The following TRAPPC13 variants were observed in gnomAD, a reference collection of about 807,000 sequenced individuals.
TRAPPC13 encodes the protein trafficking protein particle complex subunit 13.
Under a neutral mutation model 54.0 loss-of-function variants are expected in TRAPPC13, and 39 were observed. That is an observed-to-expected ratio of 0.72 (90% confidence interval 0.56 to 0.94). The LOEUF (loss-of-function observed/expected upper bound fraction) is 0.94, where lower values mean the gene tolerates loss of function less well. TRAPPC13 is among the 40% of genes least tolerant of loss of function. The probability of loss-of-function intolerance (pLI) is 0.00; values close to 1 mark genes in which losing one functional copy is unlikely to be tolerated. For synonymous variants in TRAPPC13, 148 were observed against 167.7 expected (o/e 0.88, Z 0.91); for missense variants, 386 against 488.1 (o/e 0.79, Z 1.97).
rs3830443 is a variant in TRAPPC13 at position 65,664,484 on chromosome 5, A to ATCTC, written c.1147-9_1147-6dup. On this transcript the variant is annotated intron_variant, in intron 12 of 12. Coordinates refer to ENST00000399438, the MANE Select transcript of TRAPPC13 (RefSeq NM_024941.4). ...TCTGAATGAATGAAAACTTAGACTC[A>ATCTC]TCTCTCTCTCTCTCAATAGAGCATC... 0.56 allele frequency: 833,176 copies of ATCTC among 1,485,388 alleles called. 198,025 individuals carry two copies. The highest frequency in any genetic ancestry group is 0.59 in the African/African-American group (42,004 of 71,320). The allele number at this position is 1,485,388 out of a possible 1,614,324, so 92.0% of individuals were successfully genotyped here. A position where few individuals can be genotyped will look rare whatever the true frequency, so the allele number is the denominator to read the frequency against.
intron 4 of TRAPPC13, among the ~76,000 whole-genome samples, chr5:65,646,497 C>G (rs1199511379): frequency 7.1e-6 from 1 of 141,212 alleles, no homozygotes; most frequent in Non-Finnish European, 1.5e-5. Context: ...TCCAGTCCAA[C>G]ACCATTGTAG....
chr5:65,628,359 T>C (rs1755344776), intron 1 of TRAPPC13, among the ~76,000 whole-genome samples: 1 of 152,192 alleles, frequency 6.6e-6, no homozygotes, highest in Non-Finnish European at 1.5e-5. Context: ...TAAACCATAT[T>C]AGCAAAGTTA....
intron 1 of TRAPPC13, among the ~76,000 whole-genome samples, chr5:65,626,781 G>A (rs1755255044): frequency 6.6e-6 from 1 of 151,932 alleles, no homozygotes; most frequent in Non-Finnish European, 1.5e-5. Context: ...TACAGAGACT[G>A]CCACTGGGAA....
chr5:65,626,595 G>T (rs988064781), intron 1 of TRAPPC13, among the ~76,000 whole-genome samples: 5 of 152,096 alleles, frequency 3.3e-5, no homozygotes, highest in African/African-American at 1.2e-4. Flanking sequence ...AGTTAGCCAG[G>T]CGTGGTGGCG....
intron 3 of TRAPPC13, 143 bp from the exon 4 acceptor site, chr5:65,637,553 C>A: frequency 2.3e-6 from 1 of 435,018 alleles, no homozygotes. Context: ...ATGGGGTGAA[C>A]ATGGGAGGCG....
chr5:65,646,406 A>G (rs1756209115), intron 4 of TRAPPC13, among the ~76,000 whole-genome samples: 1 of 152,178 alleles, frequency 6.6e-6, no homozygotes, highest in Non-Finnish European at 1.5e-5. Context: ...ATACTAGCAC[A>G]TACATACATA....
chr5:65,636,005 A>T lies in TRAPPC13; in HGVS notation c.177A>T (p.Leu59Phe). 1 of 1,601,666 alleles carries T rather than the reference A, an allele frequency of 6.2e-7. No homozygotes were observed. Among genetic ancestry groups the T allele is most frequent in the Non-Finnish European group, 8.5e-7 (1 of 1,173,504 alleles). ...CAACCGTTAATGGTGCAGAAGTTTT[A>T]ATGTTGGGAGAAATGCTGACTTTAC... is the stretch of plus-strand genomic sequence containing the variant. ...DPSTVNGAEV[L>F]MLGEMLTLPQ... The change falls in exon 3 of 13, where the codon TTA becomes TTT. Residue 59 changes from leucine to phenylalanine, a missense_variant. Physicochemically the swap from Leu to Phe is conservative, Grantham distance 22. Coordinates refer to ENST00000399438, the MANE Select transcript of TRAPPC13 (RefSeq NM_024941.4).
At chr5:65,625,662 G>A (rs1755182965) in intron 1 of TRAPPC13, among the ~76,000 whole-genome samples, 1 of 152,050 alleles carries the variant, frequency 6.6e-6, no homozygotes, top group African/African-American at 2.4e-5. Flanking sequence ...CAGCCATTTT[G>A]AGTAAGTTTG....
intron 1 of TRAPPC13, chr5:65,630,142 G>A: frequency 2.0e-6 from 3 of 1,535,982 alleles, no homozygotes; most frequent in Non-Finnish European, 2.6e-6. Flanking sequence ...AAGACATTTG[G>A]ACAAAACTCA....
rs1451160165 is a variant in TRAPPC13, at chr5:65,655,616, C to A, written c.547-20C>A. On this transcript the variant is annotated intron_variant, in intron 7 of 12. Transcript: ENST00000399438. ...TTTAACTCTGATTTTTCTAATTATT[C>A]TTTTTTATTTTTCCATTAGAGTGAC... The A allele has an allele frequency of 2.6e-6, 2 of 766,700 alleles. No homozygotes were observed. The highest frequency in any genetic ancestry group is 3.7e-6 in the Non-Finnish European group (2 of 544,796). The allele number at this position is 766,700 out of a possible 1,614,324, so 47.5% of individuals were successfully genotyped here. A position where few individuals can be genotyped will look rare whatever the true frequency, so the allele number is the denominator to read the frequency against.
intron 4 of TRAPPC13, among the ~76,000 whole-genome samples, chr5:65,640,871 C>T (rs986242040): frequency 2.0e-5 from 3 of 151,910 alleles, no homozygotes; most frequent in East Asian, 3.8e-4. Context: ...GTAGTACTCA[C>T]TAGGGGTCTT....
intron 1 of TRAPPC13, among the ~76,000 whole-genome samples, chr5:65,627,822 T>TATTTATGA (rs1279828106): frequency 6.6e-6 from 1 of 152,160 alleles, no homozygotes; most frequent in East Asian, 1.9e-4. Flanking sequence ...AGATCACAAT[T>TATTTATGA]ATTTATGAAT....
At chr5:65,661,891 T>C (rs37346) in intron 10 of TRAPPC13, 159 bp from the exon 11 acceptor site, 322,230 of 516,730 alleles carry the variant, frequency 0.62, 101,632 homozygotes, top group South Asian at 0.67. Flanking sequence ...TGCAAAAGAA[T>C]TTAAAATGAG....
chr5:65,633,987 T>G (rs1343654480), intron 1 of TRAPPC13, among the ~76,000 whole-genome samples: 7 of 135,238 alleles, frequency 5.2e-5, no homozygotes, highest in East Asian at 4.2e-4. Context: ...GTTTTTTTTT[T>G]TTTTTTTTTT....
chr5:65,651,700 T>C (rs1756450135), intron 6 of TRAPPC13, among the ~76,000 whole-genome samples: 1 of 145,674 alleles, frequency 6.9e-6, no homozygotes, highest in South Asian at 2.2e-4. Flanking sequence ...TAAATATAGA[T>C]CTAAATATGA....
intron 1 of TRAPPC13, chr5:65,630,243 A>T: frequency 6.5e-7 from 1 of 1,535,884 alleles, no homozygotes; most frequent in East Asian, 2.4e-5. Context: ...GATATTATGT[A>T]TTGTGAATAT....
intron 11 of TRAPPC13, 98 bp from the exon 12 acceptor site, chr5:65,664,139 T>C (rs1756941975): frequency 2.5e-6 from 3 of 1,203,448 alleles, no homozygotes; most frequent in African/African-American, 1.5e-5. Context: ...TTCTCCTGGA[T>C]ATGGAGAAAA....
intron 9 of TRAPPC13, 68 bp from the exon 10 acceptor site, chr5:65,660,631 C>T: frequency 3.0e-6 from 4 of 1,326,884 alleles, no homozygotes; most frequent in African/African-American, 1.5e-5. Context: ...AAGGAACAAT[C>T]ACAGCCATGG....
intron 1 of TRAPPC13, among the ~76,000 whole-genome samples, chr5:65,627,625 C>CAA (rs77913020): frequency 7.5e-5 from 9 of 120,400 alleles, no homozygotes; most frequent in East Asian, 2.3e-4. Flanking sequence ...GACTCTGTCT[C>CAA]AAAAAAAAAA....
Sources: allele counts gnomAD v4.1 joint callset (sites outside exome capture counted in the v4.1 genomes callset), GRCh38; gene constraint gnomAD v4.1.1; transcripts MANE v1.5; gene names NCBI Gene and HGNC (gene_info 2026-07-23, HGNC 2026-07-21).